The following MTTP variants were observed in gnomAD, a reference collection of about 807,000 sequenced individuals.
MTTP encodes the protein microsomal triglyceride transfer protein, also known as microsomal triglyceride transfer protein large subunit.
In MTTP, 49 loss-of-function variants were observed where a neutral mutation model predicts 90.6. That is an observed-to-expected ratio of 0.54 (90% confidence interval 0.43 to 0.69). The LOEUF (loss-of-function observed/expected upper bound fraction) is 0.69. Ranked by LOEUF, MTTP falls within the 30% of genes least tolerant of loss-of-function variation. The pLI is 0.00. For synonymous variants in MTTP, 347 were observed against 384.2 expected, an observed-to-expected ratio of 0.90 and a Z score of 1.13; for missense variants, 945 against 1,067.5, an observed-to-expected ratio of 0.89 and a Z score of 1.60.
rs2306984 is a variant in MTTP, at chr4:99,594,617, A to G, written c.759-116A>G. The G allele has an allele frequency of 0.15, 176,395 of 1,181,686 alleles. 16,473 individuals carry two copies. The highest frequency in any genetic ancestry group is 0.46 in the East Asian group (18,420 of 40,140). 73.2% of individuals were successfully genotyped at this position (1,181,686 alleles called of 1,614,324 possible). On this transcript the variant is annotated intron_variant, in intron 6 of 17. Transcript: ENST00000265517. Reference sequence around the variant, plus strand: ...CTGGAGATATCACAGTTTGAAAGACATGGCTATATACAACTTGAATAAATT... The same window carrying G: ...CTGGAGATATCACAGTTTGAAAGACGTGGCTATATACAACTTGAATAAATT...
intron 1 of MTTP, among the ~76,000 whole-genome samples, chr4:99,567,692 T>C (rs1724735835): frequency 6.6e-6 from 1 of 152,066 alleles, no homozygotes; most frequent in Non-Finnish European, 1.5e-5. Flanking sequence ...GAAAGTAGAA[T>C]CCAAATTGAA....
intron 3 of MTTP, chr4:99,583,780 G>C (rs1725186895): frequency 1.8e-6 from 1 of 565,074 alleles, no homozygotes; most frequent in African/African-American, 1.9e-5. Flanking sequence ...TTGATGAAAG[G>C]CATTATTAAA....
intron 1 of MTTP, among the ~76,000 whole-genome samples, chr4:99,565,503 CAA>C (rs1313014977): frequency 6.6e-6 from 1 of 152,106 alleles, no homozygotes; most frequent in African/African-American, 2.4e-5. Flanking sequence ...TCATGTGAAA[CAA>C]TATTTTCATT....
chr4:99,621,182 T>A lies in MTTP; in HGVS notation c.2464T>A (p.Tyr822Asn), dbSNP rs764059691. 6.2e-7 allele frequency: 1 copy of A among 1,614,088 alleles called. No homozygotes were observed. The highest frequency in any genetic ancestry group is 1.7e-5 in the Admixed American group (1 of 60,012). Residue 822 changes from tyrosine to asparagine, a missense_variant, in exon 17 of 18, where the codon TAC (tyrosine) becomes AAC (asparagine). By Grantham distance (143) the Tyr-to-Asn change is moderately radical. Coordinates refer to ENST00000265517, the MANE Select transcript of MTTP (RefSeq NM_001386140.1). ...TATCTCCACAGTGCAGTTTTCTCAG[T>A]ACCCATTCTTAGTTTGCATGCAGAT... ...EFISTVQFSQ[Y>N]PFLVCMQMDK...
At chr4:99,620,981 C>T in intron 16 of MTTP, 80 bp from the exon 17 acceptor site, 1 of 1,344,336 alleles carries the variant, frequency 7.4e-7, no homozygotes, top group Non-Finnish European at 1.0e-6. Context: ...TACGTTCAGA[C>T]CCTGTAAAGT....
chr4:99,605,067 G>A (rs1025170954), intron 10 of MTTP, among the ~76,000 whole-genome samples: 1 of 152,000 alleles, frequency 6.6e-6, no homozygotes, highest in Non-Finnish European at 1.5e-5. Flanking sequence ...TGGTTAAACT[G>A]AATTTTGATA....
intron 3 of MTTP, among the ~76,000 whole-genome samples, chr4:99,588,135 A>G (rs542619107): frequency 4.7e-4 from 70 of 150,066 alleles, no homozygotes; most frequent in African/African-American, 1.6e-3. Flanking sequence ...TAATTCAGGA[A>G]AAGTATTCTC....
At chr4:99,615,790 G>T (rs1309310159) in intron 15 of MTTP, among the ~76,000 whole-genome samples, 1 of 152,186 alleles carries the variant, frequency 6.6e-6, no homozygotes, top group Non-Finnish European at 1.5e-5. Flanking sequence ...AGCCAGTAAA[G>T]AACATATTTC....
intron 1 of MTTP, 118 bp downstream of exon 1, chr4:99,575,088 C>G: frequency 8.5e-7 from 1 of 1,176,214 alleles, no homozygotes; most frequent in South Asian, 1.3e-5. Flanking sequence ...ACTAAACTAT[C>G]TTCAAAACCA....
intron 14 of MTTP, among the ~76,000 whole-genome samples, chr4:99,612,512 C>T (rs570171319): frequency 4.6e-5 from 7 of 152,180 alleles, no homozygotes; most frequent in Admixed American, 2.6e-4. Flanking sequence ...CTCTGCAAGA[C>T]AGCTGATGCG....
At chr4:99,620,195 T>A (rs1252971198) in intron 16 of MTTP, among the ~76,000 whole-genome samples, 1 of 152,226 alleles carries the variant, frequency 6.6e-6, no homozygotes, top group Non-Finnish European at 1.5e-5. Context: ...GATTCAGGGA[T>A]TAAAACGACC....
chr4:99,602,827 T>C (rs900447200), intron 10 of MTTP, among the ~76,000 whole-genome samples: 1 of 152,152 alleles, frequency 6.6e-6, no homozygotes, highest in Admixed American at 6.6e-5. Context: ...TTCAGCAGTA[T>C]TTAATGAGCA....
At chr4:99,578,667 A>C (rs1158389190) in intron 1 of MTTP, among the ~76,000 whole-genome samples, 2 of 152,214 alleles carry the variant, frequency 1.3e-5, no homozygotes, top group Admixed American at 1.3e-4. Context: ...TAGTTTGGAA[A>C]GCTTTGGAAT....
intron 12 of MTTP, among the ~76,000 whole-genome samples, chr4:99,609,364 T>C (rs1248415509): frequency 6.6e-6 from 1 of 152,242 alleles, no homozygotes; most frequent in African/African-American, 2.4e-5. Flanking sequence ...TGAAGCCTCA[T>C]TTATCACAGA....
intron 12 of MTTP, 140 bp downstream of exon 12, chr4:99,609,117 A>C: frequency 1.2e-6 from 1 of 835,464 alleles, no homozygotes; most frequent in Non-Finnish European, 2.0e-6. Flanking sequence ...ATTTCCCATA[A>C]TAGGGCTATT....
chr4:99,615,280 T>G (rs2110234682), intron 15 of MTTP, among the ~76,000 whole-genome samples: 1 of 152,354 alleles, frequency 6.6e-6, no homozygotes, highest in South Asian at 2.1e-4. Context: ...CCATCAGCAA[T>G]ACATTAACAA....
chr4:99,571,383 T>C (rs1724839202), upstream of MTTP, among the ~76,000 whole-genome samples: 1 of 151,974 alleles, frequency 6.6e-6, no homozygotes, highest in Non-Finnish European at 1.5e-5. Context: ...TAAAATCTTA[T>C]TGTATTTACA....
At chr4:99,609,040 G>A (rs1289267661) in intron 12 of MTTP, 63 bp downstream of exon 12, 14 of 1,404,372 alleles carry the variant, frequency 1.0e-5, no homozygotes, top group Admixed American at 3.4e-5. Context: ...ATGGGGTACC[G>A]ATGTAGCTAA....
chr4:99,593,747 GAA>G (rs1420995993), intron 6 of MTTP, among the ~76,000 whole-genome samples: 1 of 152,018 alleles, frequency 6.6e-6, no homozygotes, highest in Non-Finnish European at 1.5e-5. Flanking sequence ...GTCTCATCTG[GAA>G]TAGAATTTTG....
Sources: allele counts gnomAD v4.1 joint callset (sites outside exome capture counted in the v4.1 genomes callset), GRCh38; gene constraint gnomAD v4.1.1; transcripts MANE v1.5; gene names NCBI Gene and HGNC (gene_info 2026-07-23, HGNC 2026-07-21).